Variants in NTM observed in about 807,000 individuals in gnomAD.
The protein encoded by NTM is IgLON family member 2.
A neutral mutation model predicts 42.1 loss-of-function variants in NTM; 13 were observed. The observed-to-expected ratio is 0.31, with a 90% CI of 0.20 to 0.49. The LOEUF is 0.49. Among genes scored for constraint, NTM ranks in the 20% least tolerant of loss-of-function variants. NTM has a pLI of 0.99. For missense variants in NTM, 373 were observed against 452.8 expected, an observed-to-expected ratio of 0.82 and a Z score of 1.60; for synonymous variants, 187 against 179.2, an observed-to-expected ratio of 1.04 and a Z score of -0.35.
At chr11:132,114,800 G>T (rs149571309) in intron 2 of NTM, among the ~76,000 whole-genome samples, 1 of 152,128 alleles carries the variant, frequency 6.6e-6, no homozygotes, top group Non-Finnish European at 1.5e-5. Context: ...GGCTCCAGGG[G>T]CATAGACATT....
At chr11:132,058,815 T>C (rs2080147175) in intron 2 of NTM, among the ~76,000 whole-genome samples, 1 of 152,182 alleles carries the variant, frequency 6.6e-6, no homozygotes, top group South Asian at 2.1e-4. Flanking sequence ...GTTTGAACCT[T>C]GTTGTAGATG....
chr11:131,739,774 G>A (rs538290868), intron 1 of NTM, among the ~76,000 whole-genome samples: 2 of 152,324 alleles, frequency 1.3e-5, no homozygotes, highest in South Asian at 4.1e-4. Flanking sequence ...GTCCCAGATG[G>A]GAAACGGCAG....
At chr11:132,228,179 C>A (rs911285161) in intron 4 of NTM, among the ~76,000 whole-genome samples, 2 of 152,166 alleles carry the variant, frequency 1.3e-5, no homozygotes, top group African/African-American at 4.8e-5. Context: ...TGGACAAACA[C>A]TGCCCAAGTC....
At chr11:132,094,040 G>C (rs192631347) in intron 2 of NTM, among the ~76,000 whole-genome samples, 12 of 152,210 alleles carry the variant, frequency 7.9e-5, no homozygotes, top group African/African-American at 2.9e-4. Flanking sequence ...AGAAACCGCC[G>C]GTTTGGTTAC....
At chr11:132,311,923 GCAGGGC>G (rs770866686) in intron 6 of NTM, among the ~76,000 whole-genome samples, 22 of 152,198 alleles carry the variant, frequency 1.4e-4, no homozygotes, top group Non-Finnish European at 2.2e-4. Context: ...GAGCAGGCTG[GCAGGGC>G]CAGGGACAGT....
intron 3 of NTM, among the ~76,000 whole-genome samples, chr11:132,196,973 C>A (rs1287541446): frequency 6.6e-6 from 1 of 152,056 alleles, no homozygotes; most frequent in African/African-American, 2.4e-5. Flanking sequence ...GCATCGAATC[C>A]AGTTTTTGGC....
chr11:131,845,820 G>A lies in NTM; in HGVS notation c.83-65744G>A, dbSNP rs145602831. Among the ~76,000 whole-genome samples, 289 of 151,832 alleles carry A rather than the reference G, an allele frequency of 1.9e-3. 1 individual carries two copies. The highest frequency in any genetic ancestry group is 2.7e-3 in the Non-Finnish European group (183 of 67,972). ...GAACTTAATTTGCTAATGTTTACCCGAGGATTTTTCCTTCCCTATACATAA... is the reference window on the plus strand; with the variant it reads ...GAACTTAATTTGCTAATGTTTACCCAAGGATTTTTCCTTCCCTATACATAA... On this transcript the variant is annotated intron_variant, in intron 1 of 8. Transcript: ENST00000683400.
At position 131,591,197 on chromosome 11, in the gene NTM, C is replaced by T. The variant is rs138454079; in HGVS notation, c.82+220309C>T. ...AGCCCCCACCGCAGGGTTCTCTGCT[C>T]GCTGCTCTCATCTTCCCCATGTCAC... is the stretch of plus-strand genomic sequence containing the variant. On this transcript the variant is annotated intron_variant, in intron 1 of 8. Transcript: ENST00000683400. 1.9e-4 allele frequency among the ~76,000 whole-genome samples: 29 copies of T among 152,362 alleles called. No homozygotes were observed. In the East Asian group the frequency reaches 3.5e-3, roughly 18 times the overall value.
chr11:131,526,142 CAG>C (rs895788830), intron 1 of NTM, among the ~76,000 whole-genome samples: 54 of 152,350 alleles, frequency 3.5e-4, no homozygotes, highest in African/African-American at 1.3e-3. Flanking sequence ...AACTGAGACT[CAG>C]AGAAGCCAAG....
At position 132,147,654 on chromosome 11, in the gene NTM, G is replaced by A. The variant is rs182829654; in HGVS notation, c.400+1140G>A. 3.3e-5 allele frequency among the ~76,000 whole-genome samples: 5 copies of A among 152,194 alleles called. No individual in the cohort carries two copies. In the East Asian group the frequency reaches 9.7e-4, roughly 29 times the overall value. ...TTGTGATGTCAGCAGTATAGCCCCT[G>A]AGCAGCGGCATGCCAGATCCAGTGC... On this transcript the variant is annotated intron_variant, in intron 3 of 8. Coordinates refer to ENST00000683400, the MANE Select transcript of NTM (RefSeq NM_001352005.2).
intron 1 of NTM, among the ~76,000 whole-genome samples, chr11:131,472,518 A>G (rs1335169440): frequency 1.3e-5 from 2 of 152,096 alleles, no homozygotes; most frequent in Non-Finnish European, 2.9e-5. Flanking sequence ...TGTGTGTTGG[A>G]TGTGGCTGTT....
rs116543955 is a variant in NTM at position 131,933,259 on chromosome 11, G to A, written c.167+21611G>A. Among the ~76,000 whole-genome samples the A allele has an allele frequency of 9.0e-3, 1,378 of 152,274 alleles. 22 individuals carry two copies. Among genetic ancestry groups the A allele is most frequent in the African/African-American group, 0.031 (1,299 of 41,568 alleles). ...CGTGGGGCCCTGGGGCAGGGAGGTG[G>A]GTGCCTGCCCTAGAGACCTCACTCC... On this transcript the variant is annotated intron_variant, in intron 2 of 8. Transcript: ENST00000683400.
At chr11:132,006,108 A>G (rs2135366331) in intron 2 of NTM, among the ~76,000 whole-genome samples, 1 of 152,210 alleles carries the variant, frequency 6.6e-6, no homozygotes, top group South Asian at 2.1e-4. Flanking sequence ...CCATTTGGCT[A>G]ATGCATCTTG....
chr11:131,720,490 A>T (rs1325013296), intron 1 of NTM, among the ~76,000 whole-genome samples: 1 of 152,228 alleles, frequency 6.6e-6, no homozygotes, highest in Non-Finnish European at 1.5e-5. Context: ...CCATTTTTCC[A>T]TTCAACAGAT....
intron 2 of NTM, among the ~76,000 whole-genome samples, chr11:132,016,254 A>G (rs116696795): frequency 0.018 from 2,723 of 151,938 alleles, 81 homozygotes; most frequent in African/African-American, 0.063. Context: ...TTTAAAGTGA[A>G]TGTATAGAGT....
intron 2 of NTM, among the ~76,000 whole-genome samples, chr11:131,959,927 A>T (rs1213963846): frequency 2.0e-5 from 3 of 152,176 alleles, no homozygotes; most frequent in Non-Finnish European, 4.4e-5. Context: ...TAACTTTCTC[A>T]CTTGTCTGAG....
chr11:132,135,211 G>A (rs2067663180), intron 2 of NTM, among the ~76,000 whole-genome samples: 1 of 152,130 alleles, frequency 6.6e-6, no homozygotes, highest in South Asian at 2.1e-4. Flanking sequence ...CTGGCTGCAG[G>A]CTCTACCTTG....
intron 2 of NTM, among the ~76,000 whole-genome samples, chr11:131,929,461 T>TAA (rs537033365): frequency 0.23 from 34,856 of 151,700 alleles, 4,384 homozygotes; most frequent in East Asian, 0.5. Flanking sequence ...TTTTTTTTTT[T>TAA]AATTTTTTAT....
chr11:131,441,075 G>A (rs1388908688), intron 1 of NTM, among the ~76,000 whole-genome samples: 1 of 151,994 alleles, frequency 6.6e-6, no homozygotes, highest in Non-Finnish European at 1.5e-5. Flanking sequence ...TTTTAAAGGG[G>A]TATTGGGAGG....
Sources: allele counts gnomAD v4.1 joint callset (sites outside exome capture counted in the v4.1 genomes callset), GRCh38; gene constraint gnomAD v4.1.1; transcripts MANE v1.5; gene names NCBI Gene and HGNC (gene_info 2026-07-23, HGNC 2026-07-21).